Variants in MYOF observed in about 807,000 individuals in gnomAD.
MYOF encodes fer-1-like 3, myoferlin.
A neutral mutation model predicts 284.2 loss-of-function variants in MYOF; 244 were observed. The observed-to-expected ratio is 0.86, with a 90% CI of 0.77 to 0.95. The LOEUF is 0.95. Ranked by LOEUF, MYOF falls within the 40% of genes least tolerant of loss-of-function variation. The pLI is 0.00. For missense variants in MYOF, 2,496 were observed against 2,560.6 expected (o/e 0.97, Z 0.54); for synonymous variants, 904 against 919.7 (o/e 0.98, Z 0.31).
chr10:93,459,041 G>T (rs548884653), intron 1 of MYOF, among the ~76,000 whole-genome samples: 9 of 152,200 alleles, frequency 5.9e-5, no homozygotes, highest in African/African-American at 2.2e-4. Flanking sequence ...CAGCCCAATG[G>T]CTTCCCTTCC....
rs1589512136 is a variant in MYOF at position 93,402,801 on chromosome 10, C to T, written c.874+59G>A. ...AAATTGTCTTGATTCTTAGAATCAT[C>T]TTCAGAGTTAGAAGGAATGAATTTA... On this transcript the variant is annotated intron_variant, in intron 10 of 53. Coordinates refer to ENST00000359263, the MANE Select transcript of MYOF (RefSeq NM_013451.4). 3.4e-6 allele frequency: 5 copies of T among 1,464,132 alleles called. No individual in the cohort carries two copies. In the East Asian group the frequency reaches 1.1e-4, roughly 33 times the overall value. 90.7% of individuals were successfully genotyped at this position (1,464,132 alleles called of 1,614,324 possible).
chr10:93,328,973 C>T (rs1843181993), intron 44 of MYOF, 62 bp from the exon 45 acceptor site: 1 of 1,529,168 alleles, frequency 6.5e-7, no homozygotes, highest in South Asian at 1.2e-5. Flanking sequence ...CTCAGATTCA[C>T]ACATACATGC....
chr10:93,362,960 C>T (rs1289440833), intron 27 of MYOF, among the ~76,000 whole-genome samples: 1 of 151,788 alleles, frequency 6.6e-6, no homozygotes, highest in Non-Finnish European at 1.5e-5. Context: ...CGTTCATAAA[C>T]ATACAAAAAT....
intron 45 of MYOF, among the ~76,000 whole-genome samples, chr10:93,328,276 G>T (rs1843143506): frequency 6.6e-6 from 1 of 152,198 alleles, no homozygotes; most frequent in South Asian, 2.1e-4. Context: ...GTAGCTAGCT[G>T]TTGATGCGTC....
At chr10:93,431,878 T>C (rs1160112315) in intron 3 of MYOF, among the ~76,000 whole-genome samples, 4 of 151,474 alleles carry the variant, frequency 2.6e-5, no homozygotes, top group Admixed American at 2.6e-4. Flanking sequence ...CCCAAATAGC[T>C]GGGATTATAG....
chr10:93,355,751 CA>C lies in MYOF; in HGVS notation c.3295-16del, dbSNP rs1349533538. 2.5e-6 allele frequency: 4 copies of C among 1,599,472 alleles called. No individual in the cohort carries two copies. The highest frequency in any genetic ancestry group is 3.4e-6 in the Non-Finnish European group (4 of 1,168,232). ...GTGTCTGCCCCCTGAAGTCAATTAA[CA>C]GAGTCAATTAGCAGAGAAGTCAATA... On this transcript the variant is annotated splice_polypyrimidine_tract_variant and intron_variant, in intron 30 of 53. Coordinates refer to ENST00000359263, the MANE Select transcript of MYOF (RefSeq NM_013451.4).
intron 1 of MYOF, among the ~76,000 whole-genome samples, chr10:93,469,436 G>T (rs1302482568): frequency 6.6e-6 from 1 of 151,566 alleles, no homozygotes; most frequent in Non-Finnish European, 1.5e-5. Flanking sequence ...CCATGAAAAA[G>T]CTTTCTACAC....
intron 9 of MYOF, among the ~76,000 whole-genome samples, chr10:93,403,336 G>C (rs1470069051): frequency 6.6e-6 from 1 of 152,206 alleles, no homozygotes; most frequent in Admixed American, 6.5e-5. Context: ...TGTGCCAGGT[G>C]CTGTACTAGG....
intron 13 of MYOF, 64 bp downstream of exon 13, chr10:93,399,328 A>C: frequency 7.8e-7 from 1 of 1,278,806 alleles, no homozygotes; most frequent in Non-Finnish European, 1.1e-6. Flanking sequence ...ATTCACTCCA[A>C]GGAAAGCACA....
rs760728081 is a variant in MYOF at position 93,405,922 on chromosome 10, C to T, written c.730-1703G>A. 1.2e-4 allele frequency among the ~76,000 whole-genome samples: 18 copies of T among 150,220 alleles called. 1 individual carries two copies. Among genetic ancestry groups the T allele is most frequent in the African/African-American group, 3.9e-4 (16 of 40,992 alleles). On this transcript the variant is annotated intron_variant, in intron 7 of 53. Transcript: ENST00000359263. ...AAGCAATTCTCCTGCCTCAACCTCC[C>T]GAGTAGCTGGGATTACAGCCACCCA...
At chr10:93,328,672 A>G in intron 45 of MYOF, 91 bp downstream of exon 45, 1 of 1,327,238 alleles carries the variant, frequency 7.5e-7, no homozygotes, top group Non-Finnish European at 1.0e-6. Context: ...TAATTAGGGT[A>G]CTGGCTCTGT....
chr10:93,368,664 C>T (rs922779296), intron 25 of MYOF, among the ~76,000 whole-genome samples: 1 of 152,074 alleles, frequency 6.6e-6, no homozygotes, highest in Non-Finnish European at 1.5e-5. Flanking sequence ...GTATTGGGAC[C>T]TGTTATGTGC....
intron 32 of MYOF, 51 bp from the exon 33 acceptor site, chr10:93,351,897 C>T: frequency 6.7e-7 from 1 of 1,482,098 alleles, no homozygotes; most frequent in Non-Finnish European, 9.1e-7. Flanking sequence ...AATCTAACTC[C>T]CCAGAACCAC....
intron 1 of MYOF, among the ~76,000 whole-genome samples, chr10:93,468,327 A>T (rs1456322401): frequency 2.0e-5 from 3 of 152,234 alleles, no homozygotes. Flanking sequence ...TTAAGTCCCG[A>T]GTGTCCTCTA....
rs771355145 is a variant in MYOF, at chr10:93,313,106, C to CT, written c.5802dup (p.Ala1935SerfsTer8). 8 of 1,614,126 alleles carry CT rather than the reference C, an allele frequency of 5.0e-6. No homozygotes were observed. In the South Asian group the frequency reaches 8.8e-5, roughly 18 times the overall value. ...TGCTCAAAGAGGGAGGCTGTCTTGGCTTTAAGGGGGTTCATGGCTTTGAGG... is the reference window on the plus strand; with the variant it reads ...TGCTCAAAGAGGGAGGCTGTCTTGGCTTTTAAGGGGGTTCATGGCTTTGAGG... On this transcript the variant is annotated frameshift_variant, in exon 51 of 54. Coordinates refer to ENST00000359263, the MANE Select transcript of MYOF (RefSeq NM_013451.4). LOFTEE classifies it high-confidence loss of function.
At chr10:93,377,861 CAT>C (rs1845909326) in intron 21 of MYOF, among the ~76,000 whole-genome samples, 2 of 152,114 alleles carry the variant, frequency 1.3e-5, no homozygotes, top group South Asian at 4.1e-4. Flanking sequence ...AAGTTAGAGA[CAT>C]AGAAATACAG....
chr10:93,367,667 C>T (rs1845386478), intron 25 of MYOF, among the ~76,000 whole-genome samples: 1 of 152,044 alleles, frequency 6.6e-6, no homozygotes, highest in Non-Finnish European at 1.5e-5. Context: ...TTGGCATGGA[C>T]AAGAGGGTAT....
chr10:93,476,245 CTTTTTTTTTTTTT>C lies in MYOF; in HGVS notation c.88+5849_88+5861del, dbSNP rs67108011. 3.0e-3 allele frequency among the ~76,000 whole-genome samples: 196 copies of C among 65,024 alleles called. 3 individuals carry two copies. In the East Asian group the frequency reaches 0.049, roughly 16 times the overall value. 42.7% of individuals were successfully genotyped at this position (65,024 alleles called of 152,430 possible). ...CTCTTTCTCACATCACTTCCCCATT[CTTTTTTTTTTTTT>C]TTTTTTTTTTTTTAGATGGAGTCTG... is the stretch of plus-strand genomic sequence containing the variant. On this transcript the variant is annotated intron_variant, in intron 1 of 53. Coordinates refer to ENST00000359263, the MANE Select transcript of MYOF (RefSeq NM_013451.4).
intron 19 of MYOF, among the ~76,000 whole-genome samples, chr10:93,384,286 CACCAT>C (rs1846257007): frequency 1.3e-5 from 2 of 152,196 alleles, no homozygotes; most frequent in African/African-American, 4.8e-5. Flanking sequence ...GAACAATAAA[CACCAT>C]TCAGAGAAGT....
Sources: gnomAD v4.1 joint callset for allele counts (sites outside exome capture counted in the v4.1 genomes callset) on GRCh38, gnomAD v4.1.1 for gene constraint, MANE v1.5 for transcripts, NCBI Gene and HGNC (gene_info 2026-07-23, HGNC 2026-07-21) for gene names.